BIRC6: variants seen among roughly 807,000 people sequenced by gnomAD.
The protein encoded by BIRC6 is baculoviral IAP repeat containing 6.
In BIRC6, 98 loss-of-function variants were observed where a neutral mutation model predicts 503.3. The ratio of observed to expected loss-of-function variants is 0.19; its 90% CI spans 0.17 to 0.23. The LOEUF (loss-of-function observed/expected upper bound fraction) is 0.23, where lower values mean the gene tolerates loss of function less well. Ranked by LOEUF, BIRC6 falls within the 10% of genes least tolerant of loss-of-function variation. The pLI is 1.00. For missense variants in BIRC6, 5,360 were observed against 5,806.0 expected (o/e 0.92, Z 2.50); for synonymous variants, 2,240 against 2,078.7 (o/e 1.08, Z -2.11).
At chr2:32,425,062 G>A (rs2043333246) in intron 10 of BIRC6, among the ~76,000 whole-genome samples, 4 of 150,938 alleles carry the variant, frequency 2.7e-5, no homozygotes, top group Admixed American at 6.6e-5. Flanking sequence ...TATAATAGAC[G>A]TAGAAATATC....
intron 42 of BIRC6, 45 bp from the exon 43 acceptor site, chr2:32,489,996 C>A: frequency 7.5e-7 from 1 of 1,325,090 alleles, no homozygotes; most frequent in Non-Finnish European, 1.1e-6. Flanking sequence ...TCTTCATAAA[C>A]ATTGTTTTTC....
At chr2:32,478,865 A>G (rs778348689) in intron 36 of BIRC6, 47 bp downstream of exon 36, 15 of 1,565,182 alleles carry the variant, frequency 9.6e-6, no homozygotes, top group Admixed American at 5.3e-5. Context: ...TTACCTTGTC[A>G]TTGCTCAACT....
chr2:32,510,748 A>G, intron 53 of BIRC6, 114 bp downstream of exon 53: 1 of 711,542 alleles, frequency 1.4e-6, no homozygotes, highest in South Asian at 1.8e-5. Context: ...ACTGTGATAT[A>G]TTGTATGTTT....
At chr2:32,425,956 G>T (rs1255029668) in intron 10 of BIRC6, among the ~76,000 whole-genome samples, 2 of 152,180 alleles carry the variant, frequency 1.3e-5, no homozygotes, top group African/African-American at 4.8e-5. Flanking sequence ...AGGGGTAGCT[G>T]GTTCATTTAG....
intron 65 of BIRC6, among the ~76,000 whole-genome samples, chr2:32,562,311 G>C (rs79619600): frequency 6.6e-6 from 1 of 152,088 alleles, no homozygotes; most frequent in Non-Finnish European, 1.5e-5. Context: ...CTAAATTGCT[G>C]TTGAGTATTT....
At chr2:32,498,532 C>T (rs549503047) in intron 45 of BIRC6, among the ~76,000 whole-genome samples, 1 of 152,204 alleles carries the variant, frequency 6.6e-6, no homozygotes, top group African/African-American at 2.4e-5. Flanking sequence ...TTTATATATG[C>T]TATAAACACA....
chr2:32,425,659 T>C (rs779084119), intron 10 of BIRC6, among the ~76,000 whole-genome samples: 7 of 152,240 alleles, frequency 4.6e-5, no homozygotes, highest in Admixed American at 2.6e-4. Flanking sequence ...CCCACTCTTA[T>C]CCTTCCAAAA....
intron 35 of BIRC6, among the ~76,000 whole-genome samples, chr2:32,478,208 G>T (rs1422112836): frequency 6.6e-6 from 1 of 152,042 alleles, no homozygotes; most frequent in Non-Finnish European, 1.5e-5. Flanking sequence ...GTGGTGGCAT[G>T]CACCTGTAGT....
At chr2:32,540,885 G>T (rs1397740403) in intron 61 of BIRC6, among the ~76,000 whole-genome samples, 1 of 151,900 alleles carries the variant, frequency 6.6e-6, no homozygotes, top group Non-Finnish European at 1.5e-5. Flanking sequence ...GTGAAGAATT[G>T]TATACATATC....
rs916696627 is a variant in BIRC6 at position 32,597,620 on chromosome 2, C to T, written c.13613-131C>T. On this transcript the variant is annotated intron_variant, in intron 68 of 73. Transcript: ENST00000421745. ...TATATAGGTGTTATGTAAACATTTA[C>T]ACTTTTGCTATTCTTCCATGGTTGG... The T allele has an allele frequency of 4.5e-6, 3 of 667,154 alleles. No individual in the cohort carries two copies. In the African/African-American group the frequency reaches 5.4e-5, roughly 12 times the overall value. 41.3% of individuals were successfully genotyped at this position (667,154 alleles called of 1,614,324 possible). A position where few individuals can be genotyped will look rare whatever the true frequency, so the allele number is the denominator to read the frequency against.
At position 32,515,515 on chromosome 2, in the gene BIRC6, T is replaced by A. The variant is rs1484886326; in HGVS notation, c.11094T>A (p.Ile3698=). The change falls in exon 55 of 74, where the codon ATT becomes ATA. Residue 3698 remains isoleucine (I), a synonymous_variant. Coordinates refer to ENST00000421745, the MANE Select transcript of BIRC6 (RefSeq NM_016252.4). ...TGACAGAAGTTGGCAATAGCCATATTATGAAAGATTGGCTTGGTGGTTCTG... is the reference window on the plus strand; with the variant it reads ...TGACAGAAGTTGGCAATAGCCATATAATGAAAGATTGGCTTGGTGGTTCTG... ...RFLTEVGNSH[I]MKDWLGGSEV... is the part of the protein sequence containing the mutation. 3.1e-6 allele frequency: 5 copies of A among 1,614,004 alleles called. No homozygotes were observed. Among genetic ancestry groups the A allele is most frequent in the Admixed American group, 1.7e-5 (1 of 60,032 alleles).
At chr2:32,558,264 A>G (rs550316962) in intron 65 of BIRC6, among the ~76,000 whole-genome samples, 72 of 151,824 alleles carry the variant, frequency 4.7e-4, no homozygotes, top group South Asian at 1.5e-3. Flanking sequence ...AGATACTTAA[A>G]AATTTTTACG....
chr2:32,380,034 G>A (rs1280283980), intron 2 of BIRC6, 119 bp from the exon 3 acceptor site: 5 of 655,574 alleles, frequency 7.6e-6, no homozygotes, highest in East Asian at 5.8e-5. Flanking sequence ...GGTAAGTTTA[G>A]TATAGTACCT....
rs556105747 is a variant in BIRC6, at chr2:32,524,034, A to T, written c.11624-854A>T. Among the ~76,000 whole-genome samples the T allele has an allele frequency of 7.2e-5, 10 of 137,952 alleles. No individual in the cohort carries two copies. The South Asian group carries it at 2.0e-3, about 27-fold the overall frequency. The allele number at this position is 137,952 out of a possible 152,430, so 90.5% of individuals were successfully genotyped here. ...ACTCCAGCCTGGGCAACACAGCGAGACCTTATCTTAAAAAAAAAAAAAAGA... is the reference window on the plus strand; with the variant it reads ...ACTCCAGCCTGGGCAACACAGCGAGTCCTTATCTTAAAAAAAAAAAAAAGA... On this transcript the variant is annotated intron_variant, in intron 57 of 73. Transcript: ENST00000421745.
rs2034485611 is a variant in BIRC6, at chr2:32,363,874, A to G, written c.325+6388A>G. ...CTTTGAGTCTCTTGGCTGCTTGGTC[A>G]ATATTGCCACACTCCTCGTGATTAC... On this transcript the variant is annotated intron_variant, in intron 1 of 73. Transcript: ENST00000421745. 1.3e-5 allele frequency among the ~76,000 whole-genome samples: 2 copies of G among 152,226 alleles called. 1 individual carries two copies. The highest frequency in any genetic ancestry group is 4.1e-4 in the South Asian group (2 of 4,832).
intron 6 of BIRC6, among the ~76,000 whole-genome samples, chr2:32,399,745 A>T (rs2040392685): frequency 6.6e-6 from 1 of 152,064 alleles, no homozygotes; most frequent in Non-Finnish European, 1.5e-5. Flanking sequence ...CAGTCTTGAT[A>T]TGAGGTCCTA....
chr2:32,565,220 A>G (rs913958689), intron 65 of BIRC6: 2 of 152,222 alleles, frequency 1.3e-5, no homozygotes, highest in Non-Finnish European at 2.9e-5. Context: ...TTACAGTGGA[A>G]TATTTTGTAT....
intron 66 of BIRC6, among the ~76,000 whole-genome samples, chr2:32,582,750 T>A (rs1181717342): frequency 6.6e-6 from 1 of 152,082 alleles, no homozygotes; most frequent in African/African-American, 2.4e-5. Context: ...AGCAAGACTC[T>A]GTCTCAAAAA....
In BIRC6 at chr2:32,461,343, AGTGTGTGT is replaced by A. The variant is rs373274536; in HGVS notation, c.4754-1818_4754-1811del. Among the ~76,000 whole-genome samples the A allele has an allele frequency of 1.3e-3, 169 of 132,124 alleles. 1 individual carries two copies. The highest frequency in any genetic ancestry group is 7.4e-3 in the Middle Eastern group (2 of 272). The allele number at this position is 132,124 out of a possible 152,430, so 86.7% of individuals were successfully genotyped here. A position where few individuals can be genotyped will look rare whatever the true frequency, so the allele number is the denominator to read the frequency against. On this transcript the variant is annotated intron_variant, in intron 23 of 73. Coordinates refer to ENST00000421745, the MANE Select transcript of BIRC6 (RefSeq NM_016252.4). ...GAGGCTTGTGCCACCATGCCTGGCTAGTGTGTGTGTGTGTGTGTGTGTGTGTGTGTGTG... is the reference window on the plus strand; with the variant it reads ...GAGGCTTGTGCCACCATGCCTGGCTAGTGTGTGTGTGTGTGTGTGTGTGTG...
Sources: allele counts gnomAD v4.1 joint callset (sites outside exome capture counted in the v4.1 genomes callset), GRCh38; gene constraint gnomAD v4.1.1; transcripts MANE v1.5; gene names NCBI Gene and HGNC (gene_info 2026-07-23, HGNC 2026-07-21).